MYO16: variants seen among roughly 807,000 people sequenced by gnomAD.
MYO16 encodes myosin XVI, also known as unconventional myosin-XVI.
MYO16 carries 94 observed loss-of-function variants against 205.3 expected under a neutral mutation model. The observed-to-expected ratio is 0.46, with a 90% confidence interval of 0.39 to 0.54. The LOEUF is 0.54. Among genes scored for constraint, MYO16 ranks in the 20% least tolerant of loss-of-function variants. The pLI is 0.00. For missense variants in MYO16, 2,315 were observed against 2,387.5 expected, an observed-to-expected ratio of 0.97 and a Z score of 0.63; for synonymous variants, 988 against 954.0, an observed-to-expected ratio of 1.04 and a Z score of -0.66.
At chr13:108,685,738 A>G (rs1403341524) in intron 2 of MYO16, among the ~76,000 whole-genome samples, 1 of 152,184 alleles carries the variant, frequency 6.6e-6, no homozygotes, top group Non-Finnish European at 1.5e-5. Context: ...TCTGAAGGCA[A>G]GAAGTCCAAG....
At chr13:109,085,776 G>A (rs181908229) in intron 27 of MYO16, among the ~76,000 whole-genome samples, 163 of 152,312 alleles carry the variant, frequency 1.1e-3, no homozygotes, top group African/African-American at 3.9e-3. Flanking sequence ...GGACACTGAC[G>A]ATGTGTAAGG....
the MYO16 span, among the ~76,000 whole-genome samples, chr13:108,586,182 AGAG>A: frequency 6.6e-6 from 1 of 152,124 alleles, no homozygotes; most frequent in Non-Finnish European, 1.5e-5. Context: ...TAAAAAAAGA[AGAG>A]ATCATTAGAA....
At chr13:108,541,835 A>T in the MYO16 span, among the ~76,000 whole-genome samples, 335 of 152,284 alleles carry the variant, frequency 2.2e-3, 2 homozygotes, top group African/African-American at 7.7e-3. Flanking sequence ...GCTTGTGGAG[A>T]AATGAGAACT....
At chr13:108,931,258 A>G (rs140611103) in intron 16 of MYO16, among the ~76,000 whole-genome samples, 3 of 152,316 alleles carry the variant, frequency 2.0e-5, no homozygotes, top group East Asian at 1.9e-4. Context: ...ATCTCTGTCT[A>G]TTCTCATTCA....
chr13:108,892,683 TTAAC>T (rs1257794583), intron 14 of MYO16, among the ~76,000 whole-genome samples: 2 of 152,172 alleles, frequency 1.3e-5, no homozygotes, highest in Non-Finnish European at 2.9e-5. Flanking sequence ...TAGCCTCAAG[TTAAC>T]TAACGGAAAT....
At chr13:109,105,761 T>G (rs2139725404) in intron 28 of MYO16, among the ~76,000 whole-genome samples, 1 of 152,366 alleles carries the variant, frequency 6.6e-6, no homozygotes, top group Admixed American at 6.5e-5. Flanking sequence ...CTGTTGTGTC[T>G]TTTATACCAC....
At chr13:108,819,546 A>C (rs1360161916) in intron 7 of MYO16, among the ~76,000 whole-genome samples, 3 of 152,126 alleles carry the variant, frequency 2.0e-5, no homozygotes, top group Non-Finnish European at 4.4e-5. Flanking sequence ...AAACACATGA[A>C]GATGTCATTA....
At chr13:108,805,362 A>T (rs1219239139) in intron 6 of MYO16, among the ~76,000 whole-genome samples, 4 of 152,186 alleles carry the variant, frequency 2.6e-5, no homozygotes, top group African/African-American at 7.2e-5. Flanking sequence ...TACACTCCGT[A>T]GATTGAAGAG....
At chr13:108,686,830 G>C (rs944202222) in intron 2 of MYO16, among the ~76,000 whole-genome samples, 1 of 152,210 alleles carries the variant, frequency 6.6e-6, no homozygotes, top group African/African-American at 2.4e-5. Context: ...TGGGAAGAGG[G>C]GTGGTGTGTA....
Position 108,651,605 on chromosome 13 carries a change from A to T in MYO16, c.29-14281A>T, listed in dbSNP as rs555072546. Among the ~76,000 whole-genome samples, 142 of 152,332 alleles carry T rather than the reference A, an allele frequency of 9.3e-4. 1 individual carries two copies. Among genetic ancestry groups the T allele is most frequent in the Admixed American group, 1.9e-3 (29 of 15,304 alleles). On this transcript the variant is annotated intron_variant, in intron 1 of 34. Coordinates refer to ENST00000457511, the MANE Select transcript of MYO16 (RefSeq NM_001198950.3). ...TACTTACTACATTCTCTTACCAGAT[A>T]AACATGCCCAAATAATTGGATGGAA...
At chr13:108,500,678 T>G in the MYO16 span, among the ~76,000 whole-genome samples, 2 of 152,210 alleles carry the variant, frequency 1.3e-5, no homozygotes, top group African/African-American at 4.8e-5. Flanking sequence ...CTTTTAGGAC[T>G]GCCCCGGATC....
chr13:108,899,125 T>C (rs373656313), intron 15 of MYO16, among the ~76,000 whole-genome samples: 3 of 152,250 alleles, frequency 2.0e-5, no homozygotes, highest in African/African-American at 7.2e-5. Flanking sequence ...ATAAATAACA[T>C]GCATAAAAAC....
chr13:108,754,853 C>T (rs1249965182), intron 4 of MYO16, among the ~76,000 whole-genome samples: 2 of 152,148 alleles, frequency 1.3e-5, no homozygotes, highest in African/African-American at 4.8e-5. Context: ...TGGCATTACA[C>T]TCTGCAATTT....
the MYO16 span, among the ~76,000 whole-genome samples, chr13:108,501,281 A>G: frequency 6.6e-6 from 1 of 152,138 alleles, no homozygotes; most frequent in Non-Finnish European, 1.5e-5. Flanking sequence ...GAGCTTCCCT[A>G]GAGGCAAGAG....
At chr13:109,187,847 C>T (rs1879748642) in intron 34 of MYO16, among the ~76,000 whole-genome samples, 1 of 152,190 alleles carries the variant, frequency 6.6e-6, no homozygotes, top group African/African-American at 2.4e-5. Flanking sequence ...GTGGAGTCTT[C>T]TGGAAGTGTG....
At position 108,964,922 on chromosome 13, in the gene MYO16, C is replaced by T. The variant is rs527707171; in HGVS notation, c.2369+20C>T. The T allele has an allele frequency of 1.2e-5, 20 of 1,603,864 alleles. No homozygotes were observed. Among genetic ancestry groups the T allele is most frequent in the Middle Eastern group, 1.7e-4 (1 of 6,012 alleles). On this transcript the variant is annotated intron_variant, in intron 20 of 34. Coordinates refer to ENST00000457511, the MANE Select transcript of MYO16 (RefSeq NM_001198950.3). ...GAAAAGGTAGGAGTTGATGGATGTT[C>T]GGTTCTGTTGTCATTACTGTAATAA...
intron 20 of MYO16, among the ~76,000 whole-genome samples, chr13:108,967,314 A>G (rs568657990): frequency 2.2e-4 from 34 of 152,302 alleles, no homozygotes; most frequent in Non-Finnish European, 4.3e-4. Context: ...TTCTTGGATT[A>G]CAGTAAAATA....
intron 7 of MYO16, among the ~76,000 whole-genome samples, chr13:108,819,622 T>G (rs945015675): frequency 6.6e-6 from 1 of 152,130 alleles, no homozygotes; most frequent in African/African-American, 2.4e-5. Context: ...TATTGCCCTT[T>G]CAATAACACA....
At chr13:109,087,653 C>T (rs574371510) in intron 27 of MYO16, among the ~76,000 whole-genome samples, 48 of 152,124 alleles carry the variant, frequency 3.2e-4, no homozygotes, top group African/African-American at 9.9e-4. Context: ...CTCAAACAAA[C>T]GAACTAAAAA....
Sources: gnomAD v4.1 joint callset for allele counts (sites outside exome capture counted in the v4.1 genomes callset) on GRCh38, gnomAD v4.1.1 for gene constraint, MANE v1.5 for transcripts, NCBI Gene and HGNC (gene_info 2026-07-23, HGNC 2026-07-21) for gene names.